Variants in GRID1 observed in about 807,000 individuals in gnomAD.
GRID1 encodes the protein glutamate receptor ionotropic, delta-1.
Under a neutral mutation model 98.0 loss-of-function variants are expected in GRID1, and 28 were observed. The observed-to-expected ratio is 0.29, with a 90% CI of 0.21 to 0.39. The LOEUF (loss-of-function observed/expected upper bound fraction) is 0.39. Among genes scored for constraint, GRID1 ranks in the 10% least tolerant of loss-of-function variants. The probability of loss-of-function intolerance (pLI) is 1.00; values close to 1 mark genes in which losing one functional copy is unlikely to be tolerated. For missense variants in GRID1, 1,111 were observed against 1,340.5 expected (o/e 0.83, Z 2.67); for synonymous variants, 553 against 538.5 (o/e 1.03, Z -0.37).
rs114753175 is a variant in GRID1 at position 86,065,837 on chromosome 10, C to A, written c.726+72982G>T. Among the ~76,000 whole-genome samples, 693 of 152,316 alleles carry A rather than the reference C, an allele frequency of 4.5e-3. 5 individuals are homozygous for A. The highest frequency in any genetic ancestry group is 0.015 in the African/African-American group (644 of 41,566). ...AAGATGAAGTAATTCCTATTCAAAGCATCTGTTAATCACTCAAGATCCTTC... is the reference window on the plus strand; with the variant it reads ...AAGATGAAGTAATTCCTATTCAAAGAATCTGTTAATCACTCAAGATCCTTC... On this transcript the variant is annotated intron_variant, in intron 4 of 15. Transcript: ENST00000327946.
intron 4 of GRID1, among the ~76,000 whole-genome samples, chr10:86,091,302 G>A (rs1375954459): frequency 2.6e-5 from 4 of 152,168 alleles, no homozygotes; most frequent in African/African-American, 7.2e-5. Context: ...GGCGGGCACC[G>A]TGAGAGTGAG....
intron 8 of GRID1, among the ~76,000 whole-genome samples, chr10:85,787,088 G>A (rs1181280480): frequency 2.0e-5 from 3 of 152,218 alleles, no homozygotes; most frequent in Non-Finnish European, 4.4e-5. Context: ...CATGGAAGAC[G>A]ACTGTGACAT....
At chr10:85,952,301 A>T (rs2131844254) in intron 4 of GRID1, among the ~76,000 whole-genome samples, 1 of 152,378 alleles carries the variant, frequency 6.6e-6, no homozygotes, top group African/African-American at 2.4e-5. Flanking sequence ...AGAACAGGCT[A>T]AATCTTCAAA....
At chr10:86,264,633 T>C in intron 2 of GRID1, 1 of 460,932 alleles carries the variant, frequency 2.2e-6, no homozygotes, top group East Asian at 7.0e-5. Context: ...ACTGTGGAGG[T>C]AGGTTGGGAG....
chr10:86,099,661 C>T (rs1047692943), intron 4 of GRID1, among the ~76,000 whole-genome samples: 14 of 152,222 alleles, frequency 9.2e-5, no homozygotes, highest in Non-Finnish European at 4.4e-5. Flanking sequence ...CCATCAAGCC[C>T]TCCCTCTGTG....
At chr10:86,023,217 G>A (rs1254106789) in intron 4 of GRID1, among the ~76,000 whole-genome samples, 2 of 152,168 alleles carry the variant, frequency 1.3e-5, no homozygotes, top group Non-Finnish European at 1.5e-5. Flanking sequence ...ACTAAGATCT[G>A]ACCTAGTCCG....
intron 12 of GRID1, among the ~76,000 whole-genome samples, chr10:85,654,355 T>C (rs1840869712): frequency 6.6e-6 from 1 of 152,192 alleles, no homozygotes; most frequent in African/African-American, 2.4e-5. Context: ...TAAATAAATA[T>C]AAAAACAAAA....
At chr10:85,647,420 G>A in intron 12 of GRID1, 23 bp from the exon 13 acceptor site, 1 of 1,591,740 alleles carries the variant, frequency 6.3e-7, no homozygotes, top group African/African-American at 1.3e-5. Flanking sequence ...AAGGCAGCGA[G>A]GCATGAGTAC....
chr10:86,302,665 G>A (rs369820705), intron 2 of GRID1, among the ~76,000 whole-genome samples: 1 of 152,288 alleles, frequency 6.6e-6, no homozygotes, highest in East Asian at 1.9e-4. Context: ...AGGGGACAGA[G>A]GAACAGGTTA....
intron 4 of GRID1, among the ~76,000 whole-genome samples, chr10:86,051,225 A>G (rs191580512): frequency 1.3e-5 from 2 of 151,678 alleles, no homozygotes; most frequent in Admixed American, 1.3e-4. Flanking sequence ...TATACACAAG[A>G]TTTTAGTATA....
chr10:85,666,003 G>A (rs796495071), intron 12 of GRID1, among the ~76,000 whole-genome samples: 39 of 152,250 alleles, frequency 2.6e-4, no homozygotes, highest in African/African-American at 7.7e-4. Flanking sequence ...CACTTATTCT[G>A]GCAAATGTCT....
chr10:85,877,214 G>A (rs1473176741), intron 5 of GRID1, among the ~76,000 whole-genome samples: 1 of 152,196 alleles, frequency 6.6e-6, no homozygotes, highest in African/African-American at 2.4e-5. Context: ...AGTAACCTCT[G>A]CAAACTTAAA....
chr10:86,184,461 C>CTT (rs1198471392), intron 3 of GRID1, among the ~76,000 whole-genome samples: 10,081 of 122,854 alleles, frequency 0.082, 435 homozygotes, highest in Middle Eastern at 0.13. Context: ...TTTCTTTTTT[C>CTT]TTTTTTTTTT....
intron 4 of GRID1, among the ~76,000 whole-genome samples, chr10:86,025,266 A>G (rs1200510072): frequency 6.6e-6 from 1 of 152,188 alleles, no homozygotes; most frequent in Non-Finnish European, 1.5e-5. Flanking sequence ...TGGGAGCACT[A>G]GGTAATATAA....
chr10:86,237,701 A>G lies in GRID1; in HGVS notation c.236-31053T>C, dbSNP rs537005165. Reference sequence around the variant, plus strand: ...GGCAACAGAGCGAGACTCTGTCTCAAAAAAAAAAAAAAAAAGCATGTAGCA... The same window carrying G: ...GGCAACAGAGCGAGACTCTGTCTCAGAAAAAAAAAAAAAAAGCATGTAGCA... On this transcript the variant is annotated intron_variant, in intron 2 of 15. Transcript: ENST00000327946. 3.4e-3 allele frequency among the ~76,000 whole-genome samples: 494 copies of G among 145,392 alleles called. 1 individual carries two copies. The highest frequency in any genetic ancestry group is 0.011 in the African/African-American group (442 of 39,694).
At position 86,195,174 on chromosome 10, in the gene GRID1, T is replaced by C. The variant is rs1353460029; in HGVS notation, c.520+11190A>G. On this transcript the variant is annotated intron_variant, in intron 3 of 15. Transcript: ENST00000327946. The surrounding 1 kb of genome is among the most constrained non-coding windows in gnomAD (Gnocchi z 4.4). ...TTCCAGCTTGGGATCAGCTGAGCCA[T>C]GAGAGGGCCACACTGCACAGTCAGC... is the stretch of plus-strand genomic sequence containing the variant. Among the ~76,000 whole-genome samples the C allele has an allele frequency of 6.6e-6, 1 of 152,046 alleles. No homozygotes were observed. Among genetic ancestry groups the C allele is most frequent in the East Asian group, 1.9e-4 (1 of 5,188 alleles).
intron 12 of GRID1, among the ~76,000 whole-genome samples, chr10:85,681,358 A>T (rs534535296): frequency 6.6e-6 from 1 of 151,820 alleles, no homozygotes; most frequent in Non-Finnish European, 1.5e-5. Flanking sequence ...TAATTCAAAC[A>T]ACACCTATGA....
At chr10:85,863,939 A>G (rs1185794677) in intron 6 of GRID1, among the ~76,000 whole-genome samples, 1 of 152,246 alleles carries the variant, frequency 6.6e-6, no homozygotes, top group Non-Finnish European at 1.5e-5. Context: ...ATCACAGGCC[A>G]GGGTCAGAAC....
intron 5 of GRID1, among the ~76,000 whole-genome samples, chr10:85,902,841 C>T (rs1000905958): frequency 1.6e-4 from 25 of 152,150 alleles, no homozygotes; most frequent in South Asian, 4.1e-4. Flanking sequence ...CATCACCAGA[C>T]ATCATTGACC....
Sources: allele counts gnomAD v4.1 joint callset (sites outside exome capture counted in the v4.1 genomes callset), GRCh38; gene constraint gnomAD v4.1.1; non-coding constraint Gnocchi (gnomAD v3.1); transcripts MANE v1.5; gene names NCBI Gene and HGNC (gene_info 2026-07-23, HGNC 2026-07-21).